PCDH15: variants seen among roughly 807,000 people sequenced by gnomAD.
PCDH15 encodes protocadherin related 15.
Under a neutral mutation model 178.5 loss-of-function variants are expected in PCDH15, and 129 were observed. The observed-to-expected ratio is 0.72, with a 90% CI of 0.63 to 0.84. The LOEUF is 0.84. Among genes scored for constraint, PCDH15 ranks in the 40% least tolerant of loss-of-function variants. The pLI, the probability that PCDH15 is intolerant of heterozygous loss-of-function variation, is 0.00. For missense variants in PCDH15, 2,230 were observed against 2,099.9 expected (o/e 1.06, Z -1.21); for synonymous variants, 800 against 732.0 (o/e 1.09, Z -1.50).
chr10:55,271,689 T>G (rs1173689351), intron 1 of PCDH15, among the ~76,000 whole-genome samples: 1 of 152,068 alleles, frequency 6.6e-6, no homozygotes, highest in Non-Finnish European at 1.5e-5. Flanking sequence ...AGCATTGTCC[T>G]CTTCCTACCT....
At chr10:54,776,931 A>G (rs1220035026) in intron 1 of PCDH15, among the ~76,000 whole-genome samples, 4 of 152,184 alleles carry the variant, frequency 2.6e-5, no homozygotes, top group Non-Finnish European at 5.9e-5. Flanking sequence ...AGAAAGAACT[A>G]GGGAGTGCGA....
At chr10:55,154,163 T>C (rs148824607) in intron 2 of PCDH15, among the ~76,000 whole-genome samples, 14 of 152,084 alleles carry the variant, frequency 9.2e-5, no homozygotes, top group Admixed American at 2.6e-4. Context: ...AGGAGATAAA[T>C]TGTTAAAGTG....
At chr10:55,135,890 T>C (rs1838182693) in intron 2 of PCDH15, among the ~76,000 whole-genome samples, 3 of 152,244 alleles carry the variant, frequency 2.0e-5, no homozygotes, top group Non-Finnish European at 4.4e-5. Flanking sequence ...GGCATAAAGC[T>C]TTTTCATACC....
chr10:54,601,996 A>G (rs2092559086), intron 2 of PCDH15, among the ~76,000 whole-genome samples: 1 of 151,870 alleles, frequency 6.6e-6, no homozygotes. Context: ...GGTGGAGGGT[A>G]AGAGGGAGAG....
chr10:53,930,115 T>C (rs1322953562), intron 25 of PCDH15, among the ~76,000 whole-genome samples: 1 of 152,070 alleles, frequency 6.6e-6, no homozygotes, highest in African/African-American at 2.4e-5. Context: ...AAAGAGACTA[T>C]GGATAGGAAG....
chr10:54,867,076 A>G (rs1953955798), intron 3 of PCDH15, among the ~76,000 whole-genome samples: 1 of 152,204 alleles, frequency 6.6e-6, no homozygotes, highest in African/African-American at 2.4e-5. Context: ...CATAGCATCA[A>G]ATAACAACTG....
chr10:54,874,889 G>A lies in PCDH15; in HGVS notation c.-29+22561C>T, dbSNP rs566887233. ...TGTCCTAATGAAATCACAGCCATGA[G>A]AAATCTCATTGTTTATTGGAGGAGG... On this transcript the variant is annotated intron_variant, in intron 3 of 5. Transcript: ENST00000458638. Among the ~76,000 whole-genome samples the A allele has an allele frequency of 5.9e-5, 9 of 152,238 alleles. No homozygotes were observed. In the East Asian group the frequency reaches 1.7e-3, roughly 29 times the overall value.
chr10:54,516,435 A>C (rs7075545), intron 3 of PCDH15, among the ~76,000 whole-genome samples: 104,126 of 151,380 alleles, frequency 0.69, 36,692 homozygotes, highest in East Asian at 0.97. Context: ...GGAGCCGATG[A>C]GATCAACTGG....
chr10:54,810,584 T>C (rs1175927659), intron 3 of PCDH15, among the ~76,000 whole-genome samples: 2 of 152,186 alleles, frequency 1.3e-5, no homozygotes, highest in Non-Finnish European at 2.9e-5. Context: ...ACCTTGATGG[T>C]ACCCCAAATC....
At chr10:53,860,724 CAAAA>C (rs11345773) in intron 27 of PCDH15, among the ~76,000 whole-genome samples, 1 of 78,076 alleles carries the variant, frequency 1.3e-5, no homozygotes, top group African/African-American at 5.2e-5. Flanking sequence ...GACTCTGTCT[CAAAA>C]AAAAAAAAAA....
chr10:54,277,253 C>T (rs1026585738), intron 8 of PCDH15, among the ~76,000 whole-genome samples: 13 of 151,708 alleles, frequency 8.6e-5, no homozygotes, highest in Admixed American at 3.3e-4. Flanking sequence ...CTAGCATACG[C>T]TGACTGCTAT....
intron 13 of PCDH15, among the ~76,000 whole-genome samples, chr10:54,154,714 T>G (rs1469568245): frequency 1.3e-5 from 2 of 152,174 alleles, no homozygotes; most frequent in Non-Finnish European, 2.9e-5. Flanking sequence ...TCCATAGACA[T>G]AGCAGCAAAA....
At chr10:54,952,423 G>C (rs574679520) in intron 2 of PCDH15, among the ~76,000 whole-genome samples, 137 of 151,864 alleles carry the variant, frequency 9.0e-4, no homozygotes, top group African/African-American at 3.2e-3. Flanking sequence ...AATACACCTT[G>C]AAGTCAGGTT....
chr10:55,445,056 T>C (rs1337127894), intron 2 of PCDH15, among the ~76,000 whole-genome samples: 2 of 152,060 alleles, frequency 1.3e-5, no homozygotes, highest in Non-Finnish European at 2.9e-5. Flanking sequence ...AAATTAAATA[T>C]GAATGAAACT....
chr10:55,504,289 A>C (rs576284083), intron 2 of PCDH15, among the ~76,000 whole-genome samples: 21 of 151,596 alleles, frequency 1.4e-4, no homozygotes, highest in African/African-American at 5.1e-4. Context: ...CAGGTGTTAC[A>C]TGAGAAATCT....
intron 20 of PCDH15, among the ~76,000 whole-genome samples, chr10:53,997,438 T>C (rs950303475): frequency 2.0e-5 from 3 of 152,146 alleles, no homozygotes; most frequent in Non-Finnish European, 4.4e-5. Context: ...CACCCCTAAA[T>C]TGTAACTTCT....
At chr10:55,015,368 A>G (rs1840147247) in intron 2 of PCDH15, among the ~76,000 whole-genome samples, 1 of 151,932 alleles carries the variant, frequency 6.6e-6, no homozygotes, top group Non-Finnish European at 1.5e-5. Flanking sequence ...ACTCATTTAC[A>G]TTATTTATTC....
chr10:55,484,781 G>A (rs1055117097), intron 2 of PCDH15, among the ~76,000 whole-genome samples: 11 of 151,672 alleles, frequency 7.3e-5, no homozygotes, highest in Non-Finnish European at 1.2e-4. Flanking sequence ...ACACACACTG[G>A]GGTAAGGGCA....
chr10:55,313,549 C>T (rs1404959802), intron 1 of PCDH15, among the ~76,000 whole-genome samples: 1 of 152,030 alleles, frequency 6.6e-6, no homozygotes, highest in Admixed American at 6.6e-5. Context: ...TAAAGTTGAC[C>T]CATTGCTTGC....
Sources: gnomAD v4.1 joint callset for allele counts (sites outside exome capture counted in the v4.1 genomes callset) on GRCh38, gnomAD v4.1.1 for gene constraint, MANE v1.5 for transcripts, NCBI Gene and HGNC (gene_info 2026-07-23, HGNC 2026-07-21) for gene names.